TRMT9B: variants seen among roughly 807,000 people sequenced by gnomAD.
TRMT9B encodes probable tRNA methyltransferase 9B.
In TRMT9B, 16 loss-of-function variants were observed where a neutral mutation model predicts 11.5. That is an observed-to-expected ratio of 1.39 (90% CI 0.94 to 2.11). The LOEUF (loss-of-function observed/expected upper bound fraction) is 2.11, where lower values mean the gene tolerates loss of function less well. TRMT9B is among the 30% of genes most tolerant of loss of function. The pLI, the probability that TRMT9B is intolerant of heterozygous loss-of-function variation, is 0.00. For missense variants in TRMT9B, 941 were observed against 553.8 expected, an observed-to-expected ratio of 1.70 and a Z score of -7.02; for synonymous variants, 274 against 192.4, an observed-to-expected ratio of 1.42 and a Z score of -3.51.
chr8:12,986,475 A>T (rs1207145130), intron 1 of TRMT9B, among the ~76,000 whole-genome samples: 1 of 152,234 alleles, frequency 6.6e-6, no homozygotes, highest in Non-Finnish European at 1.5e-5. Context: ...ATACTGTAAT[A>T]TAAAATACAA....
At chr8:13,005,810 G>A (rs1357782170) in intron 2 of TRMT9B, among the ~76,000 whole-genome samples, 3 of 152,190 alleles carry the variant, frequency 2.0e-5, no homozygotes, top group Non-Finnish European at 4.4e-5. Context: ...TTGCTATTGG[G>A]TTGAAATGGT....
At chr8:12,980,982 A>G (rs1805276478) in intron 1 of TRMT9B, among the ~76,000 whole-genome samples, 1 of 152,228 alleles carries the variant, frequency 6.6e-6, no homozygotes, top group South Asian at 2.1e-4. Flanking sequence ...TCTCCATGAT[A>G]GAAGCAACAC....
Position 12,997,524 on chromosome 8 carries a change from C to T in TRMT9B, c.-2+6493C>T, listed in dbSNP as rs116875813. ...GCTCAGGAGTTCCTTTACAGCAACA[C>T]GAAATGGACTAATATAGGGACTGAT... On this transcript the variant is annotated intron_variant, in intron 2 of 4. Transcript: ENST00000524591. Among the ~76,000 whole-genome samples the T allele has an allele frequency of 3.9e-3, 596 of 152,210 alleles. 2 individuals are homozygous for T. The highest frequency in any genetic ancestry group is 0.024 in the Middle Eastern group (7 of 294).
At chr8:12,956,586 G>C (rs1406283306) in intron 1 of TRMT9B, among the ~76,000 whole-genome samples, 1 of 152,204 alleles carries the variant, frequency 6.6e-6, no homozygotes, top group Non-Finnish European at 1.5e-5. Context: ...GCCGCAGATA[G>C]TCTACCCATT....
At chr8:13,016,530 G>GTA (rs1284766530) in intron 4 of TRMT9B, among the ~76,000 whole-genome samples, 2 of 151,332 alleles carry the variant, frequency 1.3e-5, no homozygotes, top group Admixed American at 6.6e-5. Context: ...AAATATATAA[G>GTA]TATATATATA....
intron 2 of TRMT9B, among the ~76,000 whole-genome samples, chr8:12,993,945 C>T (rs895846882): frequency 5.3e-5 from 8 of 152,208 alleles, no homozygotes; most frequent in South Asian, 2.1e-4. Flanking sequence ...GGGAAAGTTA[C>T]AACTTGGGAT....
At chr8:12,959,621 A>G (rs886894624) in intron 1 of TRMT9B, among the ~76,000 whole-genome samples, 5 of 146,342 alleles carry the variant, frequency 3.4e-5, no homozygotes, top group Non-Finnish European at 7.4e-5. Context: ...CTGGGCTCAA[A>G]TGATCCTCCT....
chr8:12,980,812 T>C (rs982518764), intron 1 of TRMT9B, among the ~76,000 whole-genome samples: 11 of 152,154 alleles, frequency 7.2e-5, no homozygotes, highest in African/African-American at 2.7e-4. Flanking sequence ...GCAAAAAGCA[T>C]GAAGGTATCA....
intron 1 of TRMT9B, among the ~76,000 whole-genome samples, chr8:12,967,283 G>A (rs2977147): frequency 0.033 from 5,063 of 152,248 alleles, 102 homozygotes; most frequent in African/African-American, 0.052. Flanking sequence ...AGTCATGAAA[G>A]GTTTTAGGAA....
chr8:13,015,637 A>G (rs1372015202), intron 4 of TRMT9B, among the ~76,000 whole-genome samples: 1 of 152,144 alleles, frequency 6.6e-6, no homozygotes, highest in Admixed American at 6.5e-5. Context: ...TACAGGCATG[A>G]ACTACCACGC....
chr8:12,980,792 G>T (rs973944609), intron 1 of TRMT9B, among the ~76,000 whole-genome samples: 1 of 152,036 alleles, frequency 6.6e-6, no homozygotes, highest in Non-Finnish European at 1.5e-5. Context: ...GGCAGAGAGG[G>T]AACAGACAAG....
intron 1 of TRMT9B, among the ~76,000 whole-genome samples, chr8:12,989,171 G>A (rs541027644): frequency 6.6e-6 from 1 of 152,228 alleles, no homozygotes; most frequent in African/African-American, 2.4e-5. Context: ...GCTTATTTCA[G>A]AAGGTTTAAG....
chr8:12,949,156 C>G (rs578031567), intron 1 of TRMT9B, among the ~76,000 whole-genome samples: 2 of 151,770 alleles, frequency 1.3e-5, no homozygotes, highest in African/African-American at 4.8e-5. Flanking sequence ...TTTTTCTTTT[C>G]TTTCTTTCTT....
intron 1 of TRMT9B, among the ~76,000 whole-genome samples, chr8:12,948,191 C>T (rs986874851): frequency 2.0e-5 from 3 of 152,088 alleles, no homozygotes; most frequent in South Asian, 2.1e-4. Flanking sequence ...AGAACACTTA[C>T]ATTAACCTGC....
chr8:12,957,230 A>C (rs1386115329), intron 1 of TRMT9B, among the ~76,000 whole-genome samples: 1 of 152,218 alleles, frequency 6.6e-6, no homozygotes, highest in Non-Finnish European at 1.5e-5. Flanking sequence ...GAGAGGCAAG[A>C]AGTAGCAACT....
intron 1 of TRMT9B, among the ~76,000 whole-genome samples, chr8:12,980,930 T>TTTTG (rs533217550): frequency 1.1e-4 from 16 of 152,196 alleles, no homozygotes; most frequent in Non-Finnish European, 2.2e-4. Context: ...GCGAATTCTT[T>TTTTG]TTTGTTTGTT....
intron 3 of TRMT9B, chr8:13,006,616 A>C (rs984279813): frequency 5.8e-6 from 8 of 1,383,324 alleles, no homozygotes; most frequent in Non-Finnish European, 6.5e-6. Flanking sequence ...TTTACAGCAG[A>C]AACTCGAGAC....
chr8:13,009,280 T>C (rs181613253), intron 3 of TRMT9B, among the ~76,000 whole-genome samples: 86 of 151,410 alleles, frequency 5.7e-4, no homozygotes, highest in Non-Finnish European at 1.1e-3. Context: ...GTGTAGGAAA[T>C]GGTAAGACGT....
At chr8:12,984,988 C>CACAG (rs1806027689) in intron 1 of TRMT9B, among the ~76,000 whole-genome samples, 1 of 128,594 alleles carries the variant, frequency 7.8e-6, no homozygotes, top group Non-Finnish European at 1.7e-5. Flanking sequence ...CACACACACA[C>CACAG]TCTCTCTCTC....
Sources: gnomAD v4.1 joint callset for allele counts (sites outside exome capture counted in the v4.1 genomes callset) on GRCh38, gnomAD v4.1.1 for gene constraint, MANE v1.5 for transcripts, NCBI Gene and HGNC (gene_info 2026-07-23, HGNC 2026-07-21) for gene names.